The following DOCK10 variants were observed in gnomAD, a reference collection of about 807,000 sequenced individuals.
The protein encoded by DOCK10 is dedicator of cytokinesis protein 10.
DOCK10 carries 145 observed loss-of-function variants against 280.1 expected under a neutral mutation model. That is an observed-to-expected ratio of 0.52 (90% CI 0.45 to 0.59). The LOEUF (loss-of-function observed/expected upper bound fraction) is 0.59. Ranked by LOEUF, DOCK10 falls within the 20% of genes least tolerant of loss-of-function variation. The pLI, the probability that DOCK10 is intolerant of heterozygous loss-of-function variation, is 0.00. For synonymous variants in DOCK10, 915 were observed against 942.2 expected (o/e 0.97, Z 0.53); for missense variants, 2,368 against 2,651.7 (o/e 0.89, Z 2.35).
chr2:225,008,689 C>T (rs1015095315), intron 1 of DOCK10, among the ~76,000 whole-genome samples: 1 of 152,138 alleles, frequency 6.6e-6, no homozygotes, highest in Admixed American at 6.5e-5. Flanking sequence ...TTGAGACTGG[C>T]TGTCTCATCT....
At chr2:224,987,833 G>A (rs1324995363) in intron 1 of DOCK10, among the ~76,000 whole-genome samples, 1 of 152,182 alleles carries the variant, frequency 6.6e-6, no homozygotes, top group Non-Finnish European at 1.5e-5. Context: ...CCTGGTTCAA[G>A]TCTAATTTGA....
In DOCK10 at chr2:224,856,890, T is replaced by C; in HGVS notation, c.1778A>G (p.Asp593Gly). 1.2e-6 allele frequency: 2 copies of C among 1,611,810 alleles called. No individual in the cohort carries two copies. Among genetic ancestry groups the C allele is most frequent in the South Asian group, 1.1e-5 (1 of 90,904 alleles). ...RQESSKISTE[D>G]LVKLVSDYRR... ...ATAATCTGATACTAGTTTAACTAGG[T>C]CCTCAGTTGAAATCTTGCTACTTTC... Residue 593 changes from aspartate to glycine, a missense_variant, in exon 15 of 56, where the codon GAC (aspartate) becomes GGC (glycine). Transcript: ENST00000258390.
intron 19 of DOCK10, among the ~76,000 whole-genome samples, chr2:224,846,336 C>T (rs917173914): frequency 6.6e-5 from 10 of 152,060 alleles, no homozygotes; most frequent in African/African-American, 1.9e-4. Context: ...ACAGTAAGTC[C>T]GTGCCTCCCA....
At chr2:224,921,454 A>G (rs1701749610) in intron 2 of DOCK10, among the ~76,000 whole-genome samples, 1 of 151,742 alleles carries the variant, frequency 6.6e-6, no homozygotes, top group African/African-American at 2.4e-5. Flanking sequence ...AATGTCCTAT[A>G]GTTAGATAGG....
At chr2:224,906,409 G>C (rs951731740) in intron 3 of DOCK10, among the ~76,000 whole-genome samples, 5 of 152,060 alleles carry the variant, frequency 3.3e-5, no homozygotes, top group Admixed American at 3.3e-4. Context: ...CCATACTCTG[G>C]TATGCTTTTA....
chr2:225,016,566 TCTATGTGC>T (rs1689598629), intron 1 of DOCK10, among the ~76,000 whole-genome samples: 2 of 140,698 alleles, frequency 1.4e-5, no homozygotes, highest in African/African-American at 5.3e-5. Flanking sequence ...GATACATATA[TCTATGTGC>T]ACATAGATAC....
At chr2:224,871,258 A>G (rs939468164) in intron 11 of DOCK10, among the ~76,000 whole-genome samples, 1 of 151,914 alleles carries the variant, frequency 6.6e-6, no homozygotes. Flanking sequence ...TTACCATTTT[A>G]GTAAATGGCA....
At chr2:224,952,463 G>A (rs1055582710) in intron 1 of DOCK10, among the ~76,000 whole-genome samples, 11 of 152,276 alleles carry the variant, frequency 7.2e-5, no homozygotes, top group African/African-American at 2.4e-4. Context: ...CGAAATAAAG[G>A]TGAGAAGTCG....
In DOCK10 at chr2:224,999,150, G is replaced by T. The variant is rs146965427; in HGVS notation, c.123+43102C>A. On this transcript the variant is annotated intron_variant, in intron 1 of 55. Coordinates refer to ENST00000258390, the MANE Select transcript of DOCK10 (RefSeq NM_014689.3). ...TGCAGTGAGCTGAGATGGCACCACT[G>T]CACTTCAGCCTGGGTGACAGAGTAA... is the stretch of plus-strand genomic sequence containing the variant. Among the ~76,000 whole-genome samples the T allele has an allele frequency of 9.7e-3, 1,478 of 152,258 alleles. 15 individuals are homozygous for T. The highest frequency in any genetic ancestry group is 0.014 in the Middle Eastern group (4 of 294).
Position 224,864,625 on chromosome 2 carries a change from T to G in DOCK10, c.1530A>C (p.Lys510Asn), listed in dbSNP as rs776845831. Reference protein sequence around the residue: ...NPHSEIVLVAKIEKVLMGNIA... With the variant: ...NPHSEIVLVANIEKVLMGNIA... ...TGTTTCCCATCAAGACTTTTTCGAT[T>G]TTGGCCACCAAAACAATTTCAGAAT... The change falls in exon 13 of 56, where the codon AAA (lysine) becomes AAC (asparagine). Residue 510 changes from lysine to asparagine, a missense_variant. Transcript: ENST00000258390. 1.2e-6 allele frequency: 2 copies of G among 1,613,504 alleles called. No homozygotes were observed. The highest frequency in any genetic ancestry group is 3.3e-5 in the Admixed American group (2 of 59,894).
intron 53 of DOCK10, among the ~76,000 whole-genome samples, chr2:224,771,125 G>A (rs74903640): frequency 1.3e-5 from 2 of 151,754 alleles, no homozygotes; most frequent in South Asian, 2.1e-4. Flanking sequence ...TTGTAGAGAC[G>A]GGGGAAGGGG....
Position 225,040,513 on chromosome 2 carries a change from CGTGTGTGTGTGT to C in DOCK10, c.123+1727_123+1738del, listed in dbSNP as rs34574873. 2.1e-3 allele frequency among the ~76,000 whole-genome samples: 313 copies of C among 147,472 alleles called. 1 individual carries two copies. Among genetic ancestry groups the C allele is most frequent in the African/African-American group, 7.5e-3 (300 of 39,984 alleles). ...TGACATAATTTTGGAGAAAGCAGTG[CGTGTGTGTGTGT>C]GTGTGTGTGTGTGTGTGTGTGGTGT... On this transcript the variant is annotated intron_variant, in intron 1 of 55. Transcript: ENST00000258390.
chr2:224,876,871 T>A (rs1312286406), intron 7 of DOCK10, among the ~76,000 whole-genome samples: 1 of 152,166 alleles, frequency 6.6e-6, no homozygotes, highest in Non-Finnish European at 1.5e-5. Context: ...TCTCCTTTAT[T>A]TCTCATCTAT....
intron 3 of DOCK10, among the ~76,000 whole-genome samples, chr2:224,903,970 T>G (rs1223794771): frequency 6.6e-6 from 1 of 152,208 alleles, no homozygotes; most frequent in Non-Finnish European, 1.5e-5. Context: ...TCCAGATATA[T>G]TTTATCCTAA....
chr2:225,014,086 T>G (rs1195549668), intron 1 of DOCK10, among the ~76,000 whole-genome samples: 4 of 102,596 alleles, frequency 3.9e-5, no homozygotes, highest in Admixed American at 3.5e-4. Context: ...AATATATTGT[T>G]TTTTTTTTTT....
chr2:224,874,485 A>G, intron 9 of DOCK10, 136 bp from the exon 10 acceptor site: 1 of 926,510 alleles, frequency 1.1e-6, no homozygotes, highest in Non-Finnish European at 1.6e-6. Flanking sequence ...CAAATCTTGT[A>G]AAAGTATGTT....
chr2:224,866,446 G>C (rs1317817213), intron 11 of DOCK10, among the ~76,000 whole-genome samples: 7 of 152,000 alleles, frequency 4.6e-5, no homozygotes, highest in Non-Finnish European at 1.0e-4. Context: ...CTTATCTGCT[G>C]GTTTTCTCCA....
At position 224,807,673 on chromosome 2, in the gene DOCK10, T is replaced by A. The variant is rs1693489396; in HGVS notation, c.3697A>T (p.Asn1233Tyr). The change falls in exon 33 of 56, where the codon AAT becomes TAT. Residue 1233 changes from asparagine to tyrosine, a missense_variant. This residue lies in a region of DOCK10 where 1,159 missense variants were observed against 1,400.8 expected (regional missense o/e 0.83). Coordinates refer to ENST00000258390, the MANE Select transcript of DOCK10 (RefSeq NM_014689.3). ...DLYPFTVNTSNQGSRDDLSTN... is the reference protein window; with the variant it reads ...DLYPFTVNTSYQGSRDDLSTN... ...GACATATTGTGCAAACGTACCTGAT[T>A]AGATGTATTGACAGTAAAAGGATAC... 1.3e-5 allele frequency: 20 copies of A among 1,540,954 alleles called. No individual in the cohort carries two copies. The highest frequency in any genetic ancestry group is 1.5e-5 in the Non-Finnish European group (17 of 1,133,858).
chr2:224,988,928 G>C (rs1276080094), intron 1 of DOCK10, among the ~76,000 whole-genome samples: 1 of 152,122 alleles, frequency 6.6e-6, no homozygotes, highest in African/African-American at 2.4e-5. Context: ...ATCATTACTT[G>C]CTTCCCCCTA....
Sources: gnomAD v4.1 joint callset for allele counts (sites outside exome capture counted in the v4.1 genomes callset) on GRCh38, gnomAD v4.1.1 for gene constraint, gnomAD v4.1.1 regional missense constraint, MANE v1.5 for transcripts, NCBI Gene and HGNC (gene_info 2026-07-23, HGNC 2026-07-21) for gene names.